Variants in SMG6 observed in about 807,000 individuals in gnomAD.
SMG6 encodes SMG6 nonsense mediated mRNA decay factor, also known as telomerase-binding protein EST1A.
A neutral mutation model predicts 142.2 loss-of-function variants in SMG6; 66 were observed. The observed-to-expected ratio is 0.46, with a 90% CI of 0.38 to 0.57. The LOEUF (loss-of-function observed/expected upper bound fraction) is 0.57, where lower values mean the gene tolerates loss of function less well. Ranked by LOEUF, SMG6 falls within the 20% of genes least tolerant of loss-of-function variation. SMG6 has a pLI of 0.00. For missense variants in SMG6, 1,793 were observed against 1,832.0 expected, an observed-to-expected ratio of 0.98 and a Z score of 0.39; for synonymous variants, 779 against 702.4, an observed-to-expected ratio of 1.11 and a Z score of -1.72.
chr17:2,128,299 T>C (rs970774525), intron 13 of SMG6, among the ~76,000 whole-genome samples: 2 of 152,194 alleles, frequency 1.3e-5, no homozygotes, highest in African/African-American at 4.8e-5. Context: ...TTATGTTGTG[T>C]ATATTTTACC....
intron 10 of SMG6, among the ~76,000 whole-genome samples, chr17:2,203,486 T>C (rs2072592277): frequency 6.6e-6 from 1 of 152,134 alleles, no homozygotes; most frequent in South Asian, 2.1e-4. Flanking sequence ...AGCTTGCCTC[T>C]CTCCCAGTAT....
Position 2,088,311 on chromosome 17 carries a change from C to T in SMG6, c.3358-2410G>A, listed in dbSNP as rs1291424659. The T allele has an allele frequency of 4.1e-6, 4 of 985,238 alleles. No homozygotes were observed. The African/African-American group carries it at 7.0e-5, about 17-fold the overall frequency. The allele number at this position is 985,238 out of a possible 1,614,324, so 61.0% of individuals were successfully genotyped here. A position where few individuals can be genotyped will look rare whatever the true frequency, so the allele number is the denominator to read the frequency against. ...TGGGACTCCTGGAGATGGGGATTTC[C>T]AGGGCACAGCAGGACCCAGGGATGT... On this transcript the variant is annotated intron_variant, in intron 13 of 18. Coordinates refer to ENST00000263073, the MANE Select transcript of SMG6 (RefSeq NM_017575.5).
At position 2,300,304 on chromosome 17, in the gene SMG6, C is replaced by T. The variant is rs1312213879; in HGVS notation, c.449G>A (p.Arg150Gln). 13 of 1,614,058 alleles carry T rather than the reference C, an allele frequency of 8.1e-6. No individual in the cohort carries two copies. The highest frequency in any genetic ancestry group is 1.1e-5 in the Non-Finnish European group (13 of 1,180,028). Reference sequence around the variant, plus strand: ...TTCTTTGCTAACAGTCTGCAAACGTCGTCCAGGCTGATAGATCTGCAGGTC... The same window carrying T: ...TTCTTTGCTAACAGTCTGCAAACGTTGTCCAGGCTGATAGATCTGCAGGTC... Reference protein sequence around the residue: ...KPDLQIYQPGRRLQTVSKESA... With the variant: ...KPDLQIYQPGQRLQTVSKESA... Residue 150 changes from arginine (R) to glutamine (Q), a missense_variant, in exon 2 of 19, where the codon CGA (arginine) becomes CAA (glutamine). Coordinates refer to ENST00000263073, the MANE Select transcript of SMG6 (RefSeq NM_017575.5).
intron 13 of SMG6, among the ~76,000 whole-genome samples, chr17:2,127,069 T>C (rs1217652812): frequency 2.7e-5 from 4 of 147,680 alleles, no homozygotes; most frequent in African/African-American, 1.0e-4. Context: ...GGCTTGGGAG[T>C]TCGAGGCTGC....
intron 16 of SMG6, among the ~76,000 whole-genome samples, chr17:2,067,284 C>A (rs896191038): frequency 1.3e-5 from 2 of 152,198 alleles, no homozygotes; most frequent in Non-Finnish European, 2.9e-5. Flanking sequence ...TTCACCGGAT[C>A]AAGAACAAGG....
At position 2,282,800 on chromosome 17, in the gene SMG6, C is replaced by T. The variant is rs1176372024; in HGVS notation, c.2508G>A (p.Arg836=). Residue 836 remains arginine (R), a synonymous_variant, in exon 8 of 19, where the codon CGG becomes CGA. Transcript: ENST00000263073. ...GCCGGAAAGTAGACTTCTTTCCTTT[C>T]CGCCACTGGTCAGGGCTCAGGTCAA... The part of the protein sequence containing the change: ...EEFDLSPDQW[R]KGKKSTFRHV... 2.5e-6 allele frequency: 4 copies of T among 1,614,200 alleles called. No homozygotes were observed. Among genetic ancestry groups the T allele is most frequent in the Non-Finnish European group, 3.4e-6 (4 of 1,180,034 alleles).
chr17:2,182,149 C>T (rs928106809), intron 12 of SMG6, among the ~76,000 whole-genome samples: 3 of 152,206 alleles, frequency 2.0e-5, no homozygotes, highest in Non-Finnish European at 2.9e-5. Context: ...GGCTTAGATA[C>T]TTGGAGAACT....
intron 6 of SMG6, among the ~76,000 whole-genome samples, chr17:2,286,786 C>T (rs1208447400): frequency 1.3e-5 from 2 of 151,868 alleles, no homozygotes; most frequent in African/African-American, 4.8e-5. Context: ...ACTTGTGCAT[C>T]GAAAGATATT....
intron 6 of SMG6, among the ~76,000 whole-genome samples, chr17:2,289,885 C>T (rs140727856): frequency 0.021 from 3,122 of 150,446 alleles, 62 homozygotes; most frequent in South Asian, 0.073. Flanking sequence ...CGCTGCACTC[C>T]GGCCTGCGCA....
chr17:2,280,099 T>A (rs1011104360), intron 8 of SMG6, among the ~76,000 whole-genome samples: 7 of 152,088 alleles, frequency 4.6e-5, no homozygotes, highest in African/African-American at 1.7e-4. Flanking sequence ...TTACTTCTTA[T>A]CAATGTGTGT....
At chr17:2,236,447 C>T (rs1597674080) in intron 10 of SMG6, 45 bp downstream of exon 10, 1 of 1,578,284 alleles carries the variant, frequency 6.3e-7, no homozygotes, top group Non-Finnish European at 8.6e-7. Context: ...CTACATTAAT[C>T]TCTATCTGTC....
intron 4 of SMG6, among the ~76,000 whole-genome samples, chr17:2,296,072 T>C (rs1019041534): frequency 6.6e-6 from 1 of 152,230 alleles, no homozygotes; most frequent in Non-Finnish European, 1.5e-5. Context: ...TTTGCCCAAG[T>C]GACTGGTTCT....
intron 15 of SMG6, among the ~76,000 whole-genome samples, chr17:2,073,959 G>A (rs8077189): frequency 0.65 from 97,641 of 149,872 alleles, 31,860 homozygotes; most frequent in Middle Eastern, 0.73. Flanking sequence ...CATGCCTGTA[G>A]TCCCAGCTAC....
chr17:2,126,576 C>G (rs1207732091), intron 13 of SMG6, among the ~76,000 whole-genome samples: 1 of 151,606 alleles, frequency 6.6e-6, no homozygotes. Flanking sequence ...AATACAAAAA[C>G]TAGCCAGGTG....
At chr17:2,256,845 G>A (rs75869504) in intron 8 of SMG6, among the ~76,000 whole-genome samples, 1,537 of 152,230 alleles carry the variant, frequency 0.01, 31 homozygotes, top group African/African-American at 0.034. Context: ...AAGAAAACTC[G>A]TGAGAAAAAG....
At chr17:2,166,228 C>G (rs1203338044) in intron 13 of SMG6, among the ~76,000 whole-genome samples, 1 of 151,832 alleles carries the variant, frequency 6.6e-6, no homozygotes, top group Non-Finnish European at 1.5e-5. Flanking sequence ...ACAACAACAA[C>G]AACAAAAAAC....
chr17:2,275,224 C>T (rs918260256), intron 8 of SMG6, among the ~76,000 whole-genome samples: 3 of 152,078 alleles, frequency 2.0e-5, no homozygotes, highest in Non-Finnish European at 4.4e-5. Flanking sequence ...GAGTTCAATA[C>T]CAGCCTGGCC....
In SMG6 at chr17:2,259,792, T is replaced by C. The variant is rs566666604; in HGVS notation, c.2662-15073A>G. Among the ~76,000 whole-genome samples, 39 of 151,250 alleles carry C rather than the reference T, an allele frequency of 2.6e-4. No homozygotes were observed. In the South Asian group the frequency reaches 8.2e-3, roughly 32 times the overall value. ...TAACCTCTCTACCTACCTAACGCCA[T>C]ACAGGAAAACCCCTGAATCTCTCAG... On this transcript the variant is annotated intron_variant, in intron 8 of 18. Transcript: ENST00000263073.
At position 2,284,716 on chromosome 17, in the gene SMG6, T is replaced by A. The variant is rs75884890; in HGVS notation, c.2338-981A>T. Among the ~76,000 whole-genome samples the A allele has an allele frequency of 4.5e-4, 68 of 152,302 alleles. 2 individuals carry two copies. In the East Asian group the frequency reaches 0.013, roughly 29 times the overall value. ...GGTCAGTGCCTGAGTCTGAATTCGG[T>A]CTTGCATTTATTAGGTATGACACAG... On this transcript the variant is annotated intron_variant, in intron 6 of 18. Transcript: ENST00000263073.
Sources: gnomAD v4.1 joint callset for allele counts (sites outside exome capture counted in the v4.1 genomes callset) on GRCh38, gnomAD v4.1.1 for gene constraint, MANE v1.5 for transcripts, NCBI Gene and HGNC (gene_info 2026-07-23, HGNC 2026-07-21) for gene names.